The following ARID5B variants were observed in gnomAD, a reference collection of about 807,000 sequenced individuals.
ARID5B encodes AT-rich interaction domain 5B.
ARID5B carries 13 observed loss-of-function variants against 97.2 expected under a neutral mutation model. The observed-to-expected ratio is 0.13, with a 90% CI of 0.09 to 0.21. The LOEUF (loss-of-function observed/expected upper bound fraction) is 0.21. Among genes scored for constraint, ARID5B ranks in the 10% least tolerant of loss-of-function variants. The pLI is 1.00. For synonymous variants in ARID5B, 556 were observed against 570.3 expected (o/e 0.97, Z 0.36); for missense variants, 1,210 against 1,465.3 (o/e 0.83, Z 2.84).
intron 4 of ARID5B, among the ~76,000 whole-genome samples, chr10:62,041,516 A>G (rs1342766670): frequency 2.6e-5 from 4 of 152,194 alleles, no homozygotes; most frequent in African/African-American, 9.6e-5. Context: ...TTTCTGTACA[A>G]ATTCCTTTTT....
At position 62,094,184 on chromosome 10, in the gene ARID5B, T is replaced by C. The variant is rs992755035; in HGVS notation, c.*1154T>C. 2 of 232,674 alleles carry C rather than the reference T, an allele frequency of 8.6e-6. No individual in the cohort carries two copies. The highest frequency in any genetic ancestry group is 4.4e-5 in the African/African-American group (2 of 45,328). The allele number at this position is 232,674 out of a possible 1,614,324, so 14.4% of individuals were successfully genotyped here. A position where few individuals can be genotyped will look rare whatever the true frequency, so the allele number is the denominator to read the frequency against. On this transcript the variant is annotated 3_prime_UTR_variant, in exon 10 of 10. Coordinates refer to ENST00000279873, the MANE Select transcript of ARID5B (RefSeq NM_032199.3). ...TCAGAAATTAGAACAGGAGCCAAAA[T>C]GATTTACATTGGCGTTGGCACTGAT...
intron 3 of ARID5B, among the ~76,000 whole-genome samples, chr10:61,991,973 G>T (rs756139278): frequency 3.3e-5 from 5 of 152,052 alleles, no homozygotes; most frequent in African/African-American, 1.2e-4. Flanking sequence ...TGGAGGTTGC[G>T]GTGAGCTGAG....
chr10:62,073,596 G>A (rs892731943), intron 8 of ARID5B, among the ~76,000 whole-genome samples: 2 of 152,150 alleles, frequency 1.3e-5, no homozygotes, highest in South Asian at 2.1e-4. Flanking sequence ...TTTGTCAGCC[G>A]GGTTTTGCTT....
At chr10:61,968,501 A>G (rs1234681787) in intron 3 of ARID5B, among the ~76,000 whole-genome samples, 2 of 152,172 alleles carry the variant, frequency 1.3e-5, no homozygotes, top group African/African-American at 4.8e-5. Context: ...CAATCCCTGC[A>G]GAATTTGCAT....
intron 2 of ARID5B, among the ~76,000 whole-genome samples, chr10:61,916,440 C>T (rs1187730244): frequency 6.6e-6 from 1 of 152,096 alleles, no homozygotes; most frequent in Non-Finnish European, 1.5e-5. Flanking sequence ...TATAAAATGC[C>T]AACCCCTCAT....
intron 9 of ARID5B, among the ~76,000 whole-genome samples, chr10:62,087,934 G>A (rs1021400978): frequency 4.0e-5 from 6 of 150,844 alleles, no homozygotes; most frequent in East Asian, 1.9e-4. Flanking sequence ...GTGCAATCTC[G>A]GTTCATTGCA....
intron 5 of ARID5B, among the ~76,000 whole-genome samples, chr10:62,053,307 C>A (rs575110721): frequency 5.9e-5 from 9 of 152,332 alleles, no homozygotes; most frequent in African/African-American, 1.9e-4. Flanking sequence ...CTCCACACAG[C>A]AAAGCTCTTA....
At chr10:62,060,814 T>A (rs934977419) in intron 7 of ARID5B, among the ~76,000 whole-genome samples, 1 of 152,210 alleles carries the variant, frequency 6.6e-6, no homozygotes, top group Non-Finnish European at 1.5e-5. Flanking sequence ...TGAAACGTCT[T>A]TTCACACTCT....
At chr10:61,988,872 T>C (rs1829113777) in intron 3 of ARID5B, among the ~76,000 whole-genome samples, 1 of 152,052 alleles carries the variant, frequency 6.6e-6, no homozygotes, top group African/African-American at 2.4e-5. Flanking sequence ...ACACACTATA[T>C]TTTGAGAGCT....
intron 4 of ARID5B, among the ~76,000 whole-genome samples, chr10:62,025,654 G>T (rs1438619296): frequency 6.6e-6 from 1 of 152,088 alleles, no homozygotes; most frequent in South Asian, 2.1e-4. Flanking sequence ...AGAAAAACAT[G>T]CTAAATACAA....
At chr10:62,008,445 T>G (rs1839175157) in intron 4 of ARID5B, among the ~76,000 whole-genome samples, 1 of 152,214 alleles carries the variant, frequency 6.6e-6, no homozygotes, top group Non-Finnish European at 1.5e-5. Flanking sequence ...AACAGATAAC[T>G]GATCGCTAGC....
intron 8 of ARID5B, among the ~76,000 whole-genome samples, chr10:62,078,783 A>G (rs1178621904): frequency 6.6e-6 from 1 of 152,218 alleles, no homozygotes; most frequent in Admixed American, 6.5e-5. Flanking sequence ...GACATCATAG[A>G]AAGCCCCAAA....
At chr10:61,953,754 C>T (rs1481662136) in intron 3 of ARID5B, among the ~76,000 whole-genome samples, 1 of 152,084 alleles carries the variant, frequency 6.6e-6, no homozygotes. Flanking sequence ...GTTTTGTCTC[C>T]CAGGACTTGG....
intron 2 of ARID5B, among the ~76,000 whole-genome samples, chr10:61,938,393 A>G (rs992433099): frequency 2.0e-5 from 3 of 152,192 alleles, no homozygotes; most frequent in Admixed American, 6.5e-5. Flanking sequence ...CTCTTTACTA[A>G]TGTTGAGACT....
chr10:61,919,286 A>G (rs1263760642), intron 2 of ARID5B, among the ~76,000 whole-genome samples: 1 of 152,102 alleles, frequency 6.6e-6, no homozygotes, highest in Non-Finnish European at 1.5e-5. Flanking sequence ...CTCCATTTCA[A>G]AAAAGTTTCC....
At chr10:61,944,609 A>G (rs1844471178) in intron 3 of ARID5B, among the ~76,000 whole-genome samples, 1 of 152,208 alleles carries the variant, frequency 6.6e-6, no homozygotes, top group Non-Finnish European at 1.5e-5. Context: ...ATTGGCCTAT[A>G]AATATGTCAT....
chr10:61,954,069 T>C (rs1475741597), intron 3 of ARID5B, among the ~76,000 whole-genome samples: 2 of 152,208 alleles, frequency 1.3e-5, no homozygotes, highest in East Asian at 3.9e-4. Context: ...TTAAAAAATA[T>C]AAATTTCAGC....
chr10:62,069,374 C>A (rs886808648), intron 7 of ARID5B, among the ~76,000 whole-genome samples: 2 of 152,186 alleles, frequency 1.3e-5, no homozygotes, highest in African/African-American at 4.8e-5. Flanking sequence ...TATTTTGATG[C>A]TTTATCAAAT....
chr10:62,059,348 T>A, intron 7 of ARID5B, 53 bp downstream of exon 7: 1 of 1,487,168 alleles, frequency 6.7e-7, no homozygotes, highest in Non-Finnish European at 9.3e-7. Flanking sequence ...ACTTTTCCCC[T>A]CTCTTTGACC....
Sources: gnomAD v4.1 joint callset for allele counts (sites outside exome capture counted in the v4.1 genomes callset) on GRCh38, gnomAD v4.1.1 for gene constraint, MANE v1.5 for transcripts, NCBI Gene and HGNC (gene_info 2026-07-23, HGNC 2026-07-21) for gene names.